TDRD3: variants seen among roughly 807,000 people sequenced by gnomAD.
The protein encoded by TDRD3 is tudor domain-containing protein 3.
A neutral mutation model predicts 86.7 loss-of-function variants in TDRD3; 45 were observed. That is an observed-to-expected ratio of 0.52 (90% CI 0.41 to 0.67). The LOEUF (loss-of-function observed/expected upper bound fraction) is 0.67, where lower values mean the gene tolerates loss of function less well. Among genes scored for constraint, TDRD3 ranks in the 30% least tolerant of loss-of-function variants. TDRD3 has a pLI of 0.00. For synonymous variants in TDRD3, 298 were observed against 301.7 expected, an observed-to-expected ratio of 0.99 and a Z score of 0.13; for missense variants, 814 against 889.0, an observed-to-expected ratio of 0.92 and a Z score of 1.07.
intron 5 of TDRD3, among the ~76,000 whole-genome samples, chr13:60,470,033 T>C (rs925126815): frequency 2.6e-5 from 4 of 152,230 alleles, no homozygotes; most frequent in African/African-American, 9.6e-5. Flanking sequence ...CATTAAACAG[T>C]AACTCTGCAT....
chr13:60,535,638 A>G (rs1214847741), intron 12 of TDRD3: 1 of 154,274 alleles, frequency 6.5e-6, no homozygotes, highest in Non-Finnish European at 1.4e-5. Context: ...TTTTAGTTAC[A>G]GGTAAAATTA....
At chr13:60,486,568 A>G (rs1956441234) in intron 7 of TDRD3, among the ~76,000 whole-genome samples, 1 of 152,230 alleles carries the variant, frequency 6.6e-6, no homozygotes, top group Admixed American at 6.5e-5. Context: ...TGATGAAATC[A>G]GGGTAATTAT....
chr13:60,439,662 T>C (rs184823507), intron 1 of TDRD3, 26 bp from the exon 2 acceptor site: 2 of 1,507,636 alleles, frequency 1.3e-6, no homozygotes, highest in African/African-American at 1.4e-5. Context: ...TTAGATAATA[T>C]TAAGCCATTT....
chr13:60,482,435 G>A (rs1208896559), intron 5 of TDRD3, among the ~76,000 whole-genome samples: 3 of 152,126 alleles, frequency 2.0e-5, no homozygotes, highest in Non-Finnish European at 4.4e-5. Context: ...TTTTTAAAGA[G>A]AGAGTAAGTA....
chr13:60,460,593 C>G, intron 4 of TDRD3, 53 bp downstream of exon 4: 1 of 1,453,714 alleles, frequency 6.9e-7, no homozygotes, highest in Non-Finnish European at 9.1e-7. Context: ...AGGTGCTATT[C>G]AATTGGAATA....
At chr13:60,414,320 A>G (rs900561897) in intron 1 of TDRD3, among the ~76,000 whole-genome samples, 4 of 152,138 alleles carry the variant, frequency 2.6e-5, no homozygotes, top group African/African-American at 7.2e-5. Context: ...GTTTTTGTAA[A>G]TAACATTTTA....
intron 3 of TDRD3, among the ~76,000 whole-genome samples, chr13:60,459,838 C>T (rs1285584253): frequency 6.6e-6 from 1 of 152,086 alleles, no homozygotes; most frequent in East Asian, 1.9e-4. Context: ...CCTGGCTGGT[C>T]ACAAGCTCCT....
chr13:60,524,363 C>A (rs1032750715), intron 10 of TDRD3, among the ~76,000 whole-genome samples: 4 of 151,630 alleles, frequency 2.6e-5, no homozygotes, highest in Admixed American at 1.3e-4. Context: ...AAAAATTAGC[C>A]GGGCGTGGTG....
intron 10 of TDRD3, among the ~76,000 whole-genome samples, chr13:60,511,426 C>T (rs543602089): frequency 1.2e-3 from 181 of 152,162 alleles, no homozygotes; most frequent in African/African-American, 4.3e-3. Context: ...AAAATTGAAG[C>T]ATGTTTGCTA....
intron 10 of TDRD3, among the ~76,000 whole-genome samples, chr13:60,524,660 C>T (rs1429821538): frequency 1.3e-5 from 2 of 151,906 alleles, no homozygotes; most frequent in Admixed American, 6.6e-5. Context: ...ATTTAACTAA[C>T]CTAAGATAAA....
At chr13:60,519,557 A>G (rs1472827232) in intron 10 of TDRD3, among the ~76,000 whole-genome samples, 1 of 152,178 alleles carries the variant, frequency 6.6e-6, no homozygotes, top group Non-Finnish European at 1.5e-5. Context: ...TAACCCTGGC[A>G]GAAAAATATT....
chr13:60,508,700 T>C (rs900464535), intron 8 of TDRD3, among the ~76,000 whole-genome samples: 2 of 152,152 alleles, frequency 1.3e-5, no homozygotes, highest in African/African-American at 4.8e-5. Flanking sequence ...ATTCAGGACA[T>C]AGGCATGGGC....
rs555313507 is a variant in TDRD3, at chr13:60,414,784, T to C, written c.41+17379T>C. ...CTAATTTTAATAGAACTTTCCATTA[T>C]ATCCTAGGGCAGATAGAAATCCTTC... On this transcript the variant is annotated intron_variant, in intron 1 of 13. Transcript: ENST00000377881. Among the ~76,000 whole-genome samples, 4 of 152,280 alleles carry C rather than the reference T, an allele frequency of 2.6e-5. No individual in the cohort carries two copies. The South Asian group carries it at 6.2e-4, about 24-fold the overall frequency.
At chr13:60,518,770 T>G (rs1413383900) in intron 10 of TDRD3, among the ~76,000 whole-genome samples, 1 of 152,132 alleles carries the variant, frequency 6.6e-6, no homozygotes, top group Non-Finnish European at 1.5e-5. Context: ...TACAAACATC[T>G]CCAGACTTTA....
intron 1 of TDRD3, among the ~76,000 whole-genome samples, chr13:60,425,673 G>A (rs1006154743): frequency 2.0e-5 from 3 of 151,750 alleles, no homozygotes; most frequent in Admixed American, 6.6e-5. Context: ...TGAACAGTAC[G>A]GATTTGAACT....
chr13:60,451,941 A>G (rs1464097321), intron 3 of TDRD3, among the ~76,000 whole-genome samples: 1 of 152,180 alleles, frequency 6.6e-6, no homozygotes, highest in South Asian at 2.1e-4. Context: ...CTTAAAAACA[A>G]TTGACATCTT....
chr13:60,565,334 C>T (rs547341264), intron 12 of TDRD3, among the ~76,000 whole-genome samples: 1 of 152,170 alleles, frequency 6.6e-6, no homozygotes, highest in South Asian at 2.1e-4. Flanking sequence ...GGATTACAGG[C>T]GTGAGCCACC....
chr13:60,478,031 T>A (rs1057416290), intron 5 of TDRD3, among the ~76,000 whole-genome samples: 2 of 152,116 alleles, frequency 1.3e-5, no homozygotes, highest in African/African-American at 2.4e-5. Context: ...GATTTTTTTT[T>A]ATTAATTATT....
intron 4 of TDRD3, among the ~76,000 whole-genome samples, chr13:60,464,987 A>G (rs1009624488): frequency 1.3e-5 from 2 of 152,200 alleles, no homozygotes; most frequent in African/African-American, 4.8e-5. Flanking sequence ...GAGGTAATAG[A>G]TATCTCATTT....
Sources: allele counts gnomAD v4.1 joint callset (sites outside exome capture counted in the v4.1 genomes callset), GRCh38; gene constraint gnomAD v4.1.1; transcripts MANE v1.5; gene names NCBI Gene and HGNC (gene_info 2026-07-23, HGNC 2026-07-21).